SMIM36: variants seen among roughly 807,000 people sequenced by gnomAD.
The protein encoded by SMIM36 is small integral membrane protein 36.
At chr17:55,513,841 G>C (rs1910222439), upstream of SMIM36, among the ~76,000 whole-genome samples, 1 of 152,188 alleles carries the variant, frequency 6.6e-6, no homozygotes, top group Non-Finnish European at 1.5e-5. Context: ...AGGTTTCTCT[G>C]TGTAATGGTG....
the SMIM36 span, among the ~76,000 whole-genome samples, chr17:55,519,271 G>T: frequency 0.11 from 16,470 of 152,126 alleles, 2,015 homozygotes; most frequent in African/African-American, 0.29. Flanking sequence ...AGAATAGAAG[G>T]TTGGCGCAAG....
In SMIM36 at chr17:55,482,571, C is replaced by T. The variant is rs189018969; in HGVS notation, c.*175-2991G>A. On this transcript the variant is annotated intron_variant, in intron 1 of 4. Coordinates refer to ENST00000636752, the Ensembl canonical transcript of SMIM36. Reference sequence around the variant, plus strand: ...CTTGAGGACAGAATCTGGATTGATTCATTTCTGTGTCTTCAATAGCACCTG... The same window carrying T: ...CTTGAGGACAGAATCTGGATTGATTTATTTCTGTGTCTTCAATAGCACCTG... Among the ~76,000 whole-genome samples, 682 of 152,280 alleles carry T rather than the reference C, an allele frequency of 4.5e-3. 3 individuals are homozygous for T. The highest frequency in any genetic ancestry group is 7.8e-3 in the Non-Finnish European group (528 of 68,016).
At chr17:55,507,584 G>C (rs1180918505) in intron 1 of SMIM36, among the ~76,000 whole-genome samples, 2 of 105,412 alleles carry the variant, frequency 1.9e-5, no homozygotes, top group African/African-American at 3.7e-5. Flanking sequence ...GTGGTGGGGT[G>C]GGGGGAGGGG....
the SMIM36 span, among the ~76,000 whole-genome samples, chr17:55,517,909 G>A: frequency 6.6e-6 from 1 of 152,182 alleles, no homozygotes; most frequent in Non-Finnish European, 1.5e-5. Context: ...TAAGGACAGA[G>A]CCTAGAGTAT....
the SMIM36 span, among the ~76,000 whole-genome samples, chr17:55,529,790 GA>G: frequency 3.4e-5 from 5 of 147,060 alleles, no homozygotes; most frequent in Non-Finnish European, 7.4e-5. Flanking sequence ...GACCCTGTCC[GA>G]AAAACAAACA....
At chr17:55,479,259 A>G (rs1909479609) in intron 2 of SMIM36, among the ~76,000 whole-genome samples, 1 of 152,234 alleles carries the variant, frequency 6.6e-6, no homozygotes, top group Admixed American at 6.5e-5. Flanking sequence ...GGCAGGTGTC[A>G]GGATTCTTGT....
At chr17:55,458,957 G>T (rs1167352051) in intron 4 of SMIM36, among the ~76,000 whole-genome samples, 1 of 152,172 alleles carries the variant, frequency 6.6e-6, no homozygotes, top group Non-Finnish European at 1.5e-5. Flanking sequence ...TAAGGAAGAG[G>T]GTCTAATTGA....
intron 4 of SMIM36, among the ~76,000 whole-genome samples, chr17:55,464,758 G>A (rs1487093486): frequency 6.6e-6 from 1 of 152,214 alleles, no homozygotes; most frequent in African/African-American, 2.4e-5. Flanking sequence ...CCACCTGACA[G>A]TTACACAAAT....
At chr17:55,469,175 C>T (rs1909297076) in intron 3 of SMIM36, among the ~76,000 whole-genome samples, 1 of 152,120 alleles carries the variant, frequency 6.6e-6, no homozygotes, top group East Asian at 1.9e-4. Flanking sequence ...CCTCAGCCTC[C>T]ACTCCCCCAC....
At chr17:55,528,410 G>T in the SMIM36 span, among the ~76,000 whole-genome samples, 1 of 151,844 alleles carries the variant, frequency 6.6e-6, no homozygotes. Context: ...TGAGTGCAGT[G>T]GTGCGATCAT....
At chr17:55,527,700 C>T in the SMIM36 span, 1 of 152,194 alleles carries the variant, frequency 6.6e-6, no homozygotes, top group African/African-American at 2.4e-5. Context: ...AGAAACACTG[C>T]ATGTGCACGC....
At chr17:55,497,381 T>C (rs781335335) in intron 1 of SMIM36, among the ~76,000 whole-genome samples, 2 of 152,040 alleles carry the variant, frequency 1.3e-5, no homozygotes, top group Non-Finnish European at 2.9e-5. Flanking sequence ...TCTCCTGCCT[T>C]AGTATCCTGA....
chr17:55,512,856 G>A (rs1910205598), upstream of SMIM36, among the ~76,000 whole-genome samples: 1 of 152,182 alleles, frequency 6.6e-6, no homozygotes. Flanking sequence ...AGTTCCCAAA[G>A]GTCTGCTGGT....
At chr17:55,522,071 C>T in the SMIM36 span, among the ~76,000 whole-genome samples, 1 of 152,256 alleles carries the variant, frequency 6.6e-6, no homozygotes, top group East Asian at 1.9e-4. Flanking sequence ...CATTCTTACA[C>T]GGGCAGTAAG....
rs200451607 is a variant in SMIM36, at chr17:55,500,795, TTTTATAATA to T, written c.*174+10075_*174+10083del. ...ATAATATATAATATATTATTATATA[TTTTATAATA>T]TATTATAATATATTATATTTTATAA... On this transcript the variant is annotated intron_variant, in intron 1 of 4. Coordinates refer to ENST00000636752, the Ensembl canonical transcript of SMIM36. 1.2e-4 allele frequency among the ~76,000 whole-genome samples: 5 copies of T among 42,052 alleles called. 1 individual carries two copies. In the African/African-American group the frequency reaches 1.3e-3, roughly 11 times the overall value. The allele number at this position is 42,052 out of a possible 152,430, so 27.6% of individuals were successfully genotyped here.
At chr17:55,484,157 A>C (rs1001891753) in intron 1 of SMIM36, among the ~76,000 whole-genome samples, 6 of 150,538 alleles carry the variant, frequency 4.0e-5, no homozygotes, top group African/African-American at 1.5e-4. Flanking sequence ...AAAAACAAAC[A>C]ACAAAAAAAA....
At chr17:55,496,382 G>A (rs955128220) in intron 1 of SMIM36, among the ~76,000 whole-genome samples, 1 of 152,048 alleles carries the variant, frequency 6.6e-6, no homozygotes, top group South Asian at 2.1e-4. Flanking sequence ...TAATGGCTGA[G>A]TACAGAGAAG....
At chr17:55,487,433 A>C (rs1032735597) in intron 1 of SMIM36, among the ~76,000 whole-genome samples, 8 of 152,192 alleles carry the variant, frequency 5.3e-5, no homozygotes, top group African/African-American at 1.9e-4. Flanking sequence ...TTCCTAATCC[A>C]GAGTGGTGGG....
chr17:55,494,676 G>T (rs780994309), intron 1 of SMIM36, among the ~76,000 whole-genome samples: 1 of 151,946 alleles, frequency 6.6e-6, no homozygotes. Flanking sequence ...TGTATATTTT[G>T]TTTGAACACA....
Sources: allele counts gnomAD v4.1 joint callset (sites outside exome capture counted in the v4.1 genomes callset), GRCh38; gene constraint gnomAD v4.1.1; transcripts MANE v1.5; gene names NCBI Gene and HGNC (gene_info 2026-07-23, HGNC 2026-07-21).